The following GLCE variants were observed in gnomAD, a reference collection of about 807,000 sequenced individuals.
GLCE encodes the protein D-glucuronyl C5-epimerase.
GLCE carries 19 observed loss-of-function variants against 47.9 expected under a neutral mutation model. The observed-to-expected ratio is 0.40, with a 90% CI of 0.28 to 0.58. The LOEUF is 0.58. Ranked by LOEUF, GLCE falls within the 20% of genes least tolerant of loss-of-function variation. The probability of loss-of-function intolerance (pLI) is 0.48; values close to 1 mark genes in which losing one functional copy is unlikely to be tolerated. For synonymous variants in GLCE, 245 were observed against 263.4 expected (o/e 0.93, Z 0.68); for missense variants, 556 against 743.3 (o/e 0.75, Z 2.93).
At position 69,268,424 on chromosome 15, in the gene GLCE, C is replaced by G; in HGVS notation, c.1034C>G (p.Thr345Ser). 6.2e-7 allele frequency: 1 copy of G among 1,614,004 alleles called. No homozygotes were observed. The highest frequency in any genetic ancestry group is 8.5e-7 in the Non-Finnish European group (1 of 1,179,886). Residue 345 changes from threonine to serine, a missense_variant, in exon 5 of 5, where the codon ACT becomes AGT. Physicochemically the swap from Thr to Ser is moderately conservative, Grantham distance 58 (BLOSUM62 1). Transcript: ENST00000261858. ...ATATACTATGGCATTGGGCCCAGAA[C>G]TTCATGGAGCACAGTTACCAGGGAC... ...RDIYYGIGPR[T>S]SWSTVTRDLV...
intron 1 of GLCE, among the ~76,000 whole-genome samples, chr15:69,204,346 G>C (rs143810774): frequency 8.7e-5 from 12 of 137,506 alleles, no homozygotes; most frequent in African/African-American, 3.3e-4. Flanking sequence ...GCAGTGGCAC[G>C]ATCTCAGCTC....
intron 1 of GLCE, among the ~76,000 whole-genome samples, chr15:69,207,300 G>A (rs1289771392): frequency 2.0e-5 from 3 of 151,944 alleles, no homozygotes; most frequent in South Asian, 4.1e-4. Flanking sequence ...TGTGATGTGC[G>A]GTTCTGTGGG....
At chr15:69,248,366 T>G (rs915379092) in intron 2 of GLCE, among the ~76,000 whole-genome samples, 2 of 152,232 alleles carry the variant, frequency 1.3e-5, no homozygotes, top group African/African-American at 2.4e-5. Flanking sequence ...TCGGCCAATA[T>G]ACAGCATCAC....
chr15:69,250,118 G>A (rs1054125896), intron 2 of GLCE, among the ~76,000 whole-genome samples: 5 of 151,926 alleles, frequency 3.3e-5, no homozygotes, highest in African/African-American at 1.2e-4. Context: ...TTTACCTAAA[G>A]CATCAATCTA....
rs1269980727 is a variant in GLCE, at chr15:69,268,511, A to G, written c.1121A>G (p.Lys374Arg). The G allele has an allele frequency of 6.2e-6, 10 of 1,614,060 alleles. No individual in the cohort carries two copies. Among genetic ancestry groups the G allele is most frequent in the Non-Finnish European group, 8.5e-6 (10 of 1,180,044 alleles). Residue 374 changes from lysine to arginine, a missense_variant, in exon 5 of 5, where the codon AAA (lysine) becomes AGA (arginine). By Grantham distance (26) the Lys-to-Arg change is conservative (BLOSUM62 2). This residue lies in a region of GLCE where 245 missense variants were observed against 368.1 expected (regional missense o/e 0.67). Transcript: ENST00000261858. ...LSNTKAVKPT[K>R]IMPKKVVRLI... Reference sequence around the variant, plus strand: ...AACACAAAAGCTGTCAAGCCAACCAAAATAATGCCCAAGAAGGTGGTTAGG... The same window carrying G: ...AACACAAAAGCTGTCAAGCCAACCAGAATAATGCCCAAGAAGGTGGTTAGG...
At chr15:69,184,692 A>G (rs558324874) in intron 1 of GLCE, among the ~76,000 whole-genome samples, 1 of 152,378 alleles carries the variant, frequency 6.6e-6, no homozygotes, top group South Asian at 2.1e-4. Context: ...GGCAGTCTTT[A>G]GGATTAGTCA....
rs1247290662 is a variant in GLCE, at chr15:69,256,275, A to T, written c.469A>T (p.Ser157Cys). ...DGYDRFEFSH[S>C]YSKVYAQRAP... ...CTATGATCGGTTTGAATTCTCTCAT[A>T]GCTATTCCAAAGTCTATGCACAGAG... The change falls in exon 3 of 5, where the codon AGC (serine) becomes TGC (cysteine). Residue 157 changes from serine to cysteine, a missense_variant. Ser to Cys is a moderately radical substitution (Grantham distance 112). Transcript: ENST00000261858. 11 of 1,613,806 alleles carry T rather than the reference A, an allele frequency of 6.8e-6. No homozygotes were observed. The highest frequency in any genetic ancestry group is 9.3e-6 in the Non-Finnish European group (11 of 1,179,868).
In GLCE at chr15:69,199,838, C is replaced by T. The variant is rs773475022; in HGVS notation, c.-104-10478C>T. Among the ~76,000 whole-genome samples, 6 of 152,050 alleles carry T rather than the reference C, an allele frequency of 3.9e-5. 1 individual carries two copies. The South Asian group carries it at 8.3e-4, about 21-fold the overall frequency. ...ACTTGGTCATTGGAAGTTTTAAACACGCCCCAGGTGATTCATGCATCATAG... is the reference window on the plus strand; with the variant it reads ...ACTTGGTCATTGGAAGTTTTAAACATGCCCCAGGTGATTCATGCATCATAG... On this transcript the variant is annotated intron_variant, in intron 1 of 4. Transcript: ENST00000261858.
At chr15:69,251,624 A>T (rs2140433481) in intron 2 of GLCE, among the ~76,000 whole-genome samples, 1 of 152,320 alleles carries the variant, frequency 6.6e-6, no homozygotes, top group South Asian at 2.1e-4. Flanking sequence ...GGCTGCTCCT[A>T]CAAAGACAAG....
intron 1 of GLCE, among the ~76,000 whole-genome samples, chr15:69,177,967 C>G (rs1408770384): frequency 2.0e-5 from 3 of 152,090 alleles, no homozygotes; most frequent in African/African-American, 7.2e-5. Context: ...AGTAATATCC[C>G]ATTATATGGG....
intron 2 of GLCE, among the ~76,000 whole-genome samples, chr15:69,227,751 G>C (rs535548249): frequency 8.5e-5 from 13 of 152,240 alleles, no homozygotes; most frequent in African/African-American, 2.9e-4. Context: ...TGACTAATCT[G>C]TATGGTTATA....
intron 1 of GLCE, among the ~76,000 whole-genome samples, chr15:69,170,260 G>A (rs149090242): frequency 1.4e-4 from 22 of 152,138 alleles, no homozygotes; most frequent in African/African-American, 5.1e-4. Flanking sequence ...TAAACAATTA[G>A]ATATTAAAAT....
intron 2 of GLCE, among the ~76,000 whole-genome samples, chr15:69,234,051 C>T (rs1486512615): frequency 6.6e-6 from 1 of 151,292 alleles, no homozygotes; most frequent in African/African-American, 2.4e-5. Context: ...GATCTGAGCT[C>T]ACTGCAACCT....
intron 1 of GLCE, among the ~76,000 whole-genome samples, chr15:69,204,915 AAAC>A (rs1229833195): frequency 6.6e-6 from 1 of 152,132 alleles, no homozygotes; most frequent in Admixed American, 6.6e-5. Flanking sequence ...TAGGCAGAAT[AAAC>A]AAGAGGATTT....
chr15:69,238,540 C>T (rs8033559), intron 2 of GLCE, among the ~76,000 whole-genome samples: 6,196 of 152,114 alleles, frequency 0.041, 409 homozygotes, highest in African/African-American at 0.14. Context: ...CCTTCCCCAC[C>T]CTCCCAAAAA....
Position 69,256,349 on chromosome 15 carries a change from T to C in GLCE, c.543T>C (p.Asn181=). 6 of 1,613,702 alleles carry C rather than the reference T, an allele frequency of 3.7e-6. No individual in the cohort carries two copies. Among genetic ancestry groups the C allele is most frequent in the Non-Finnish European group, 5.1e-6 (6 of 1,179,914 alleles). Residue 181 remains asparagine (N), a synonymous_variant, in exon 3 of 5, where the codon AAT becomes AAC. Coordinates refer to ENST00000261858, the MANE Select transcript of GLCE (RefSeq NM_015554.3). ...DGVFMSFEGY[N]VEVRDRVKCI... ...TGTTTATGTCTTTTGAAGGCTACAATGTGGAAGTCCGAGACAGAGTCAAGT... is the reference window on the plus strand; with the variant it reads ...TGTTTATGTCTTTTGAAGGCTACAACGTGGAAGTCCGAGACAGAGTCAAGT...
At chr15:69,176,526 C>G (rs1482972705) in intron 1 of GLCE, among the ~76,000 whole-genome samples, 3 of 151,990 alleles carry the variant, frequency 2.0e-5, no homozygotes, top group African/African-American at 4.8e-5. Flanking sequence ...CCACCCCTGG[C>G]CCATTTTTGT....
At chr15:69,222,581 G>T (rs959049831) in intron 2 of GLCE, among the ~76,000 whole-genome samples, 6 of 152,186 alleles carry the variant, frequency 3.9e-5, no homozygotes, top group African/African-American at 9.6e-5. Flanking sequence ...TGGCAACCCT[G>T]TGTGGGGTTC....
In GLCE at chr15:69,271,597, T is replaced by C. The variant is rs1034623774; in HGVS notation, c.*2353T>C. 81 of 152,728 alleles carry C rather than the reference T, an allele frequency of 5.3e-4. No homozygotes were observed. Among genetic ancestry groups the C allele is most frequent in the African/African-American group, 1.9e-3 (78 of 41,554 alleles). 9.5% of individuals were successfully genotyped at this position (152,728 alleles called of 1,614,324 possible). A position where few individuals can be genotyped will look rare whatever the true frequency, so the allele number is the denominator to read the frequency against. On this transcript the variant is annotated 3_prime_UTR_variant, in exon 5 of 5. Transcript: ENST00000261858. ...GAGCTTAGAGAGAATGGGGAGGGTA[T>C]TTTTAAATTTTATTGTTTTATTTCT...
Sources: allele counts gnomAD v4.1 joint callset (sites outside exome capture counted in the v4.1 genomes callset), GRCh38; gene constraint gnomAD v4.1.1; regional missense constraint gnomAD v4.1.1; transcripts MANE v1.5; gene names NCBI Gene and HGNC (gene_info 2026-07-23, HGNC 2026-07-21).